ZBTB38: variants seen among roughly 807,000 people sequenced by gnomAD.
ZBTB38 encodes the protein zinc finger and BTB domain-containing protein 38.
ZBTB38 carries 20 observed loss-of-function variants against 76.8 expected under a neutral mutation model. The observed-to-expected ratio is 0.26, with a 90% CI of 0.18 to 0.38. The LOEUF (loss-of-function observed/expected upper bound fraction) is 0.38, where lower values mean the gene tolerates loss of function less well. Among genes scored for constraint, ZBTB38 ranks in the 10% least tolerant of loss-of-function variants. ZBTB38 has a pLI of 1.00. For synonymous variants in ZBTB38, 504 were observed against 544.2 expected (o/e 0.93, Z 1.03); for missense variants, 1,082 against 1,482.3 (o/e 0.73, Z 4.43).
At chr3:141,336,566 C>T (rs1943021505) in intron 1 of ZBTB38, among the ~76,000 whole-genome samples, 1 of 152,074 alleles carries the variant, frequency 6.6e-6, no homozygotes, top group South Asian at 2.1e-4. Context: ...CCAGGGTGGT[C>T]TTGAACTCCT....
chr3:141,443,480 C>T lies in ZBTB38; in HGVS notation c.1092C>T (p.His364=). ...STLLSAHMQL[H]KPTQEPLVCK... ...TGCTCAGTGCCCACATGCAGCTTCA[C>T]AAGCCAACCCAGGAGCCTTTAGTGT... is the stretch of plus-strand genomic sequence containing the variant. Residue 364 remains histidine, a synonymous_variant, in exon 6 of 6, where the codon CAC becomes CAT. Coordinates refer to ENST00000321464, the MANE Select transcript of ZBTB38 (RefSeq NM_001376113.1). The surrounding 1 kb of genome is among the most constrained non-coding windows in gnomAD (Gnocchi z 5.6). 1 of 1,614,236 alleles carries T rather than the reference C, an allele frequency of 6.2e-7. No homozygotes were observed.
intron 3 of ZBTB38, among the ~76,000 whole-genome samples, chr3:141,382,997 A>C (rs56243018): frequency 0.037 from 5,567 of 152,270 alleles, 111 homozygotes; most frequent in Non-Finnish European, 0.045. Context: ...ACTGTGTGTA[A>C]TCTCTATTAG....
intron 5 of ZBTB38, among the ~76,000 whole-genome samples, chr3:141,441,056 GA>G (rs1411036860): frequency 6.8e-6 from 1 of 147,098 alleles, no homozygotes; most frequent in Admixed American, 6.8e-5. Context: ...AAAAAGAAAA[GA>G]AAAAGAAAGA....
intron 5 of ZBTB38, among the ~76,000 whole-genome samples, chr3:141,419,961 T>C (rs957987585): frequency 2.6e-5 from 4 of 152,144 alleles, no homozygotes; most frequent in Non-Finnish European, 5.9e-5. Flanking sequence ...CACTCCAGCA[T>C]GGGCGACAAG....
chr3:141,412,862 G>A (rs997744915), intron 5 of ZBTB38, among the ~76,000 whole-genome samples: 6 of 150,120 alleles, frequency 4.0e-5, no homozygotes, highest in Admixed American at 1.3e-4. Context: ...CAGAGTTTTT[G>A]TCGCTTTTCC....
intron 5 of ZBTB38, among the ~76,000 whole-genome samples, chr3:141,411,988 A>G (rs922361893): frequency 1.7e-4 from 26 of 152,146 alleles, no homozygotes; most frequent in African/African-American, 5.8e-4. Context: ...TGATAAGAAG[A>G]TTTGCACCTT....
intron 5 of ZBTB38, chr3:141,427,843 G>A (rs199799477): frequency 6.6e-6 from 1 of 152,418 alleles, no homozygotes; most frequent in African/African-American, 2.4e-5. Context: ...TCCTTGTGGT[G>A]GGGGAGGGGA....
intron 5 of ZBTB38, among the ~76,000 whole-genome samples, chr3:141,434,743 T>C (rs2078364381): frequency 6.6e-6 from 1 of 152,068 alleles, no homozygotes; most frequent in Non-Finnish European, 1.5e-5. Flanking sequence ...TTATCAGATA[T>C]TTATATAATT....
chr3:141,363,545 A>C (rs932453520), upstream of ZBTB38, among the ~76,000 whole-genome samples: 1 of 152,232 alleles, frequency 6.6e-6, no homozygotes, highest in Non-Finnish European at 1.5e-5. Flanking sequence ...GACAATAGAT[A>C]TCTAAATCAA....
intron 4 of ZBTB38, among the ~76,000 whole-genome samples, chr3:141,395,022 T>C (rs756326568): frequency 6.6e-6 from 1 of 152,168 alleles, no homozygotes; most frequent in Non-Finnish European, 1.5e-5. Flanking sequence ...CTGACAAACT[T>C]TTTCTGTAAA....
intron 1 of ZBTB38, among the ~76,000 whole-genome samples, chr3:141,351,027 A>C (rs1241010797): frequency 6.6e-6 from 1 of 152,242 alleles, no homozygotes; most frequent in East Asian, 1.9e-4. Flanking sequence ...AACAATGTGC[A>C]TTATTATTTT....
chr3:141,432,325 G>C (rs1427365440), intron 5 of ZBTB38: 2 of 964,250 alleles, frequency 2.1e-6, no homozygotes, highest in Non-Finnish European at 1.2e-6. Flanking sequence ...ACTTGCCATA[G>C]ATGGAGGAGA....
At position 141,371,052 on chromosome 3, in the gene ZBTB38, T is replaced by C. The variant is rs1246760534; in HGVS notation, c.-235+1106T>C. ...CTTTTCTTTTCTTTCTTTCTTTTTT[T>C]TTTTTTTTTTTTTTTTTTTGAGGCA... is the stretch of plus-strand genomic sequence containing the variant. On this transcript the variant is annotated intron_variant, in intron 2 of 5. Transcript: ENST00000321464. Among the ~76,000 whole-genome samples, 9 of 119,794 alleles carry C rather than the reference T, an allele frequency of 7.5e-5. 1 individual carries two copies. The highest frequency in any genetic ancestry group is 4.1e-4 in the East Asian group (2 of 4,844). The allele number at this position is 119,794 out of a possible 152,430, so 78.6% of individuals were successfully genotyped here.
intron 1 of ZBTB38, among the ~76,000 whole-genome samples, chr3:141,332,163 C>T (rs1273524414): frequency 6.6e-6 from 1 of 152,124 alleles, no homozygotes; most frequent in East Asian, 1.9e-4. Flanking sequence ...TTGAATCATT[C>T]AGGGCTCTTG....
intron 5 of ZBTB38, chr3:141,434,061 C>A: frequency 6.6e-6 from 2 of 303,808 alleles, no homozygotes; most frequent in Non-Finnish European, 9.7e-6. Context: ...CCTACAGGTG[C>A]AGGGAGTACA....
chr3:141,353,344 C>T (rs1315757495), intron 1 of ZBTB38, among the ~76,000 whole-genome samples: 1 of 152,064 alleles, frequency 6.6e-6, no homozygotes, highest in Non-Finnish European at 1.5e-5. Context: ...TCATCTTTCC[C>T]CTTTTGCATC....
intron 4 of ZBTB38, chr3:141,389,931 T>C (rs763645165): frequency 6.6e-5 from 10 of 152,250 alleles, no homozygotes; most frequent in Non-Finnish European, 1.2e-4. Flanking sequence ...TCATACTTAA[T>C]GGCGTTTTTT....
chr3:141,378,165 C>T (rs540050716), intron 2 of ZBTB38, among the ~76,000 whole-genome samples: 3 of 144,024 alleles, frequency 2.1e-5, no homozygotes, highest in Non-Finnish European at 3.0e-5. Context: ...GGTGACAGAG[C>T]GAGACCCTGT....
At chr3:141,409,408 A>C (rs113861493) in intron 5 of ZBTB38, among the ~76,000 whole-genome samples, 2 of 151,906 alleles carry the variant, frequency 1.3e-5, no homozygotes, top group South Asian at 2.1e-4. Flanking sequence ...TTCTCTCCAC[A>C]CTCTGGGCTG....
Sources: gnomAD v4.1 joint callset for allele counts (sites outside exome capture counted in the v4.1 genomes callset) on GRCh38, gnomAD v4.1.1 for gene constraint, Gnocchi (gnomAD v3.1) non-coding constraint, MANE v1.5 for transcripts, NCBI Gene and HGNC (gene_info 2026-07-23, HGNC 2026-07-21) for gene names.